The following STX6 variants were observed in gnomAD, a reference collection of about 807,000 sequenced individuals.
STX6 encodes the protein syntaxin 6, also known as syntaxin-6.
Under a neutral mutation model 38.0 loss-of-function variants are expected in STX6, and 23 were observed. The ratio of observed to expected loss-of-function variants is 0.60; its 90% CI spans 0.43 to 0.86. The LOEUF (loss-of-function observed/expected upper bound fraction) is 0.86. Among genes scored for constraint, STX6 ranks in the 40% least tolerant of loss-of-function variants. The pLI, the probability that STX6 is intolerant of heterozygous loss-of-function variation, is 0.00. For synonymous variants in STX6, 123 were observed against 107.5 expected, an observed-to-expected ratio of 1.14 and a Z score of -0.89; for missense variants, 274 against 312.9, an observed-to-expected ratio of 0.88 and a Z score of 0.94.
chr1:181,009,573 G>A (rs1337109358), intron 1 of STX6, among the ~76,000 whole-genome samples: 1 of 151,494 alleles, frequency 6.6e-6, no homozygotes, highest in Non-Finnish European at 1.5e-5. Flanking sequence ...TTAATGACAT[G>A]CAAATTAAAT....
intron 1 of STX6, among the ~76,000 whole-genome samples, chr1:181,018,463 A>T (rs1656630634): frequency 6.7e-6 from 1 of 149,166 alleles, no homozygotes; most frequent in African/African-American, 2.4e-5. Flanking sequence ...CCCAATTTTT[A>T]AAATGACCAT....
At chr1:180,980,007 G>C (rs1312005763) in intron 7 of STX6, among the ~76,000 whole-genome samples, 2 of 152,118 alleles carry the variant, frequency 1.3e-5, no homozygotes, top group Non-Finnish European at 2.9e-5. Flanking sequence ...AGGAGTTCAA[G>C]ACCAGCCTGG....
chr1:181,015,017 C>T, intron 1 of STX6, among the ~76,000 whole-genome samples: 1 of 152,132 alleles, frequency 6.6e-6, no homozygotes, highest in East Asian at 1.9e-4. Flanking sequence ...CACTATGGCC[C>T]ATTATATCTA....
chr1:181,010,124 T>C (rs1274515009), intron 1 of STX6, among the ~76,000 whole-genome samples: 1 of 152,182 alleles, frequency 6.6e-6, no homozygotes, highest in Non-Finnish European at 1.5e-5. Context: ...GATGGATCTG[T>C]GCTATATCCT....
chr1:181,007,322 C>G (rs113808073), intron 1 of STX6, among the ~76,000 whole-genome samples: 40 of 151,204 alleles, frequency 2.6e-4, no homozygotes, highest in African/African-American at 9.2e-4. Flanking sequence ...GTTTAGGGAA[C>G]AAGAAAAAAA....
chr1:180,994,049 T>C (rs906410262), intron 3 of STX6, among the ~76,000 whole-genome samples: 1 of 152,034 alleles, frequency 6.6e-6, no homozygotes, highest in Non-Finnish European at 1.5e-5. Flanking sequence ...ATTTCCAGAG[T>C]GGTGTCAAAA....
intron 3 of STX6, among the ~76,000 whole-genome samples, chr1:180,997,792 G>A (rs971628165): frequency 1.3e-5 from 2 of 151,958 alleles, no homozygotes; most frequent in African/African-American, 2.4e-5. Flanking sequence ...ATTTTTCATA[G>A]AAAAAAAGTT....
At chr1:180,978,561 C>G (rs775283467) in intron 7 of STX6, among the ~76,000 whole-genome samples, 1 of 152,224 alleles carries the variant, frequency 6.6e-6, no homozygotes, top group African/African-American at 2.4e-5. Context: ...GAAAAATCCC[C>G]TCATGCTTCC....
At chr1:181,004,893 A>G (rs1324492506) in intron 2 of STX6, among the ~76,000 whole-genome samples, 2 of 151,760 alleles carry the variant, frequency 1.3e-5, no homozygotes, top group Non-Finnish European at 2.9e-5. Flanking sequence ...TGCTATCTCC[A>G]AGTAGACAGT....
intron 3 of STX6, among the ~76,000 whole-genome samples, chr1:180,995,971 T>G (rs1202552637): frequency 6.6e-6 from 1 of 152,196 alleles, no homozygotes; most frequent in African/African-American, 2.4e-5. Flanking sequence ...GTTTATAAAT[T>G]TATTAAGCTA....
intron 5 of STX6, 99 bp downstream of exon 5, chr1:180,989,885 T>A (rs1386097059): frequency 7.0e-6 from 10 of 1,423,506 alleles, no homozygotes; most frequent in Admixed American, 5.4e-5. Context: ...TGGCTTACCC[T>A]CCTTGTCACT....
At position 181,007,207 on chromosome 1, in the gene STX6, G is replaced by A. The variant is rs561126497; in HGVS notation, c.36-1744C>T. On this transcript the variant is annotated intron_variant, in intron 1 of 7. Coordinates refer to ENST00000258301, the MANE Select transcript of STX6 (RefSeq NM_005819.6). ...CCTTACATAAAGTGGCATAGTATTT[G>A]CATATAACCTACGCACATCCTCCTA... 5.3e-5 allele frequency among the ~76,000 whole-genome samples: 8 copies of A among 152,154 alleles called. 1 individual carries two copies. The South Asian group carries it at 1.7e-3, about 32-fold the overall frequency.
intron 7 of STX6, among the ~76,000 whole-genome samples, chr1:180,981,066 T>C (rs957499970): frequency 6.6e-6 from 1 of 152,172 alleles, no homozygotes; most frequent in African/African-American, 2.4e-5. Context: ...TTTAGGGCAG[T>C]GAAACAGCTC....
At chr1:181,012,627 G>T (rs779055289) in intron 1 of STX6, among the ~76,000 whole-genome samples, 5 of 151,244 alleles carry the variant, frequency 3.3e-5, no homozygotes, top group Non-Finnish European at 7.4e-5. Context: ...TGCATCTTTT[G>T]GGAAAAACAA....
chr1:180,974,559 C>T lies in STX6; in HGVS notation c.*2011G>A, dbSNP rs1655199547. On this transcript the variant is annotated 3_prime_UTR_variant, in exon 8 of 8. Transcript: ENST00000258301. ...CACAATAAATCTGGTAATAGCAGAA[C>T]AATAGCATGGCTTTTAAATAGGGTA... 1 of 152,598 alleles carries T rather than the reference C, an allele frequency of 6.6e-6. No homozygotes were observed. Among genetic ancestry groups the T allele is most frequent in the African/African-American group, 2.4e-5 (1 of 41,442 alleles). 9.5% of individuals were successfully genotyped at this position (152,598 alleles called of 1,614,324 possible).
chr1:180,996,883 A>G (rs1655931629), intron 3 of STX6, among the ~76,000 whole-genome samples: 1 of 152,218 alleles, frequency 6.6e-6, no homozygotes, highest in Admixed American at 6.5e-5. Flanking sequence ...ATGAATATTT[A>G]AAATGTGTAT....
chr1:181,022,362 C>A (rs1656761878), intron 1 of STX6, among the ~76,000 whole-genome samples: 1 of 152,204 alleles, frequency 6.6e-6, no homozygotes, highest in Non-Finnish European at 1.5e-5. Flanking sequence ...GCTGCTGAGC[C>A]CCTCGGCCCC....
At chr1:180,998,886 C>G (rs1046635488) in intron 3 of STX6, among the ~76,000 whole-genome samples, 1 of 152,164 alleles carries the variant, frequency 6.6e-6, no homozygotes, top group Admixed American at 6.5e-5. Context: ...GCAACAAGTC[C>G]CAATAAAATA....
intron 1 of STX6, among the ~76,000 whole-genome samples, chr1:181,018,720 A>G (rs577585949): frequency 3.9e-5 from 6 of 152,330 alleles, no homozygotes; most frequent in African/African-American, 7.2e-5. Context: ...CACTGCATGT[A>G]TAAGTTACAA....
Sources: allele counts gnomAD v4.1 joint callset (sites outside exome capture counted in the v4.1 genomes callset), GRCh38; gene constraint gnomAD v4.1.1; transcripts MANE v1.5; gene names NCBI Gene and HGNC (gene_info 2026-07-23, HGNC 2026-07-21).